SHB: variants seen among roughly 807,000 people sequenced by gnomAD.
SHB encodes the protein SH2 domain-containing adapter protein B.
A neutral mutation model predicts 52.3 loss-of-function variants in SHB; 20 were observed. The observed-to-expected ratio is 0.38, with a 90% CI of 0.27 to 0.56. The LOEUF is 0.56. Ranked by LOEUF, SHB falls within the 20% of genes least tolerant of loss-of-function variation. The pLI is 0.71. For synonymous variants in SHB, 397 were observed against 316.5 expected, an observed-to-expected ratio of 1.25 and a Z score of -2.70; for missense variants, 825 against 723.3, an observed-to-expected ratio of 1.14 and a Z score of -1.61.
intron 3 of SHB, among the ~76,000 whole-genome samples, chr9:37,973,075 A>G (rs1454678493): frequency 6.6e-6 from 1 of 152,172 alleles, no homozygotes; most frequent in Admixed American, 6.5e-5. Context: ...GCATTTCTCT[A>G]GGTTATTATG....
At chr9:37,991,709 G>A (rs996060296) in intron 2 of SHB, among the ~76,000 whole-genome samples, 3 of 152,324 alleles carry the variant, frequency 2.0e-5, no homozygotes, top group African/African-American at 7.2e-5. Context: ...CTGGAAGCTT[G>A]ATACCCTCTA....
At chr9:38,003,173 T>C (rs891435855) in intron 2 of SHB, among the ~76,000 whole-genome samples, 2 of 152,086 alleles carry the variant, frequency 1.3e-5, no homozygotes, top group African/African-American at 4.8e-5. Flanking sequence ...TGGGCTGTGC[T>C]GGGGATGAGA....
At chr9:38,017,365 C>G (rs1412361770) in intron 1 of SHB, among the ~76,000 whole-genome samples, 5 of 152,246 alleles carry the variant, frequency 3.3e-5, no homozygotes, top group Admixed American at 1.3e-4. Flanking sequence ...AGCCTGTTCT[C>G]TCAGCTCCTG....
rs200252770 is a variant in SHB, at chr9:37,919,827, G to C, written c.1524C>G (p.Thr508=). The C allele has an allele frequency of 7.8e-5, 126 of 1,613,152 alleles. No individual in the cohort carries two copies. Among genetic ancestry groups the C allele is most frequent in the Middle Eastern group, 7.3e-4 (4 of 5,502 alleles). The change falls in exon 6 of 6, where the codon ACC becomes ACG. Residue 508 remains threonine (T), a synonymous_variant. Coordinates refer to ENST00000377707, the MANE Select transcript of SHB (RefSeq NM_003028.3). ...CAGGGCAGGTCTGGTCCGCTCACAG[G>C]GTCCTCACAGCCACGGGATAGAGGA... ...LSLLYPVAVR[T]L is the part of the protein sequence containing the mutation.
At chr9:37,924,146 G>A (rs1047235717) in intron 5 of SHB, among the ~76,000 whole-genome samples, 1 of 152,238 alleles carries the variant, frequency 6.6e-6, no homozygotes, top group Non-Finnish European at 1.5e-5. Context: ...AATGAGTCTT[G>A]TAAGGCTGGC....
At chr9:38,007,727 C>T (rs1821089847) in intron 2 of SHB, among the ~76,000 whole-genome samples, 1 of 152,288 alleles carries the variant, frequency 6.6e-6, no homozygotes, top group Admixed American at 6.5e-5. Context: ...ATATCTCTGC[C>T]CTTGTGAAGG....
intron 3 of SHB, among the ~76,000 whole-genome samples, chr9:37,962,517 T>C (rs1832703691): frequency 6.6e-6 from 1 of 151,808 alleles, no homozygotes; most frequent in Non-Finnish European, 1.5e-5. Context: ...TTCTTTTTTT[T>C]TTTTTAAGAG....
rs566348147 is a variant in SHB at position 37,947,964 on chromosome 9, G to T, written c.1346+671C>A. On this transcript the variant is annotated intron_variant, in intron 5 of 5. Coordinates refer to ENST00000377707, the MANE Select transcript of SHB (RefSeq NM_003028.3). ...AAAATGGGTTTAGGCATTCTTTTGG[G>T]TCCCGTCCAGCAATAGCACCCAACT... Among the ~76,000 whole-genome samples, 14 of 152,300 alleles carry T rather than the reference G, an allele frequency of 9.2e-5. No individual in the cohort carries two copies. The South Asian group carries it at 2.9e-3, about 32-fold the overall frequency.
intron 4 of SHB, among the ~76,000 whole-genome samples, chr9:37,949,275 C>T (rs1832532969): frequency 6.6e-6 from 1 of 151,520 alleles, no homozygotes. Flanking sequence ...CGCCTGTAAT[C>T]CCAGCTACTC....
intron 1 of SHB, among the ~76,000 whole-genome samples, chr9:38,025,177 C>T (rs1821326632): frequency 6.6e-6 from 1 of 152,206 alleles, no homozygotes; most frequent in Non-Finnish European, 1.5e-5. Flanking sequence ...CCTCCCCTTA[C>T]AAGGACCAAC....
chr9:38,039,608 A>AGGTCCC (rs1309787193), intron 1 of SHB, among the ~76,000 whole-genome samples: 1 of 152,272 alleles, frequency 6.6e-6, no homozygotes, highest in Admixed American at 6.5e-5. Flanking sequence ...AGCCACGACA[A>AGGTCCC]GGTCCCGTTG....
intron 1 of SHB, among the ~76,000 whole-genome samples, chr9:38,017,893 G>T (rs953696336): frequency 6.6e-6 from 1 of 152,076 alleles, no homozygotes; most frequent in African/African-American, 2.4e-5. Context: ...AATACATTAG[G>T]GAGAAAATTA....
intron 5 of SHB, among the ~76,000 whole-genome samples, chr9:37,947,033 T>C (rs1251177556): frequency 6.6e-6 from 1 of 152,166 alleles, no homozygotes; most frequent in African/African-American, 2.4e-5. Flanking sequence ...TGTCCTCTCC[T>C]CAGTCCAATT....
chr9:38,059,578 C>T (rs1322382343), intron 1 of SHB, among the ~76,000 whole-genome samples: 1 of 152,174 alleles, frequency 6.6e-6, no homozygotes, highest in Non-Finnish European at 1.5e-5. Context: ...AAATACCAAA[C>T]AGGAAGAGAA....
At chr9:37,964,322 G>A (rs899267583) in intron 3 of SHB, among the ~76,000 whole-genome samples, 20 of 152,192 alleles carry the variant, frequency 1.3e-4, no homozygotes, top group Non-Finnish European at 7.3e-5. Context: ...TTCCAGGAAC[G>A]CCGTACACAC....
chr9:37,969,594 G>C lies in SHB; in HGVS notation c.1054+5028C>G, dbSNP rs1287130073. ...CAGTCCTCACACTGGTCCTTCAGAGGTGTGAAGACACCGATTTGGTGTCTT... is the reference window on the plus strand; with the variant it reads ...CAGTCCTCACACTGGTCCTTCAGAGCTGTGAAGACACCGATTTGGTGTCTT... On this transcript the variant is annotated intron_variant, in intron 3 of 5. Coordinates refer to ENST00000377707, the MANE Select transcript of SHB (RefSeq NM_003028.3). 1.3e-5 allele frequency among the ~76,000 whole-genome samples: 2 copies of C among 152,182 alleles called. 1 individual carries two copies. Among genetic ancestry groups the C allele is most frequent in the African/African-American group, 4.8e-5 (2 of 41,428 alleles).
chr9:37,952,814 C>A (rs1295030011), intron 4 of SHB, among the ~76,000 whole-genome samples: 1 of 151,840 alleles, frequency 6.6e-6, no homozygotes, highest in Admixed American at 6.6e-5. Flanking sequence ...GGGGGAGGGG[C>A]AAGTTTCGAG....
chr9:37,974,936 G>A (rs1587222959), intron 2 of SHB, 99 bp from the exon 3 acceptor site: 15 of 1,035,056 alleles, frequency 1.4e-5, no homozygotes, highest in African/African-American at 8.0e-5. Flanking sequence ...CTGCCAGCGG[G>A]GAGGTGAGAA....
intron 5 of SHB, among the ~76,000 whole-genome samples, chr9:37,924,391 A>G (rs986650134): frequency 1.1e-4 from 17 of 152,196 alleles, no homozygotes; most frequent in African/African-American, 4.1e-4. Context: ...CTTGATGCAT[A>G]TTTCATGAAG....
Sources: gnomAD v4.1 joint callset for allele counts (sites outside exome capture counted in the v4.1 genomes callset) on GRCh38, gnomAD v4.1.1 for gene constraint, MANE v1.5 for transcripts, NCBI Gene and HGNC (gene_info 2026-07-23, HGNC 2026-07-21) for gene names.